NCAPD2: variants seen among roughly 807,000 people sequenced by gnomAD.
NCAPD2 encodes condensin complex subunit 1.
In NCAPD2, 100 loss-of-function variants were observed where a neutral mutation model predicts 164.5. The ratio of observed to expected loss-of-function variants is 0.61; its 90% confidence interval spans 0.52 to 0.72. NCAPD2 has a LOEUF of 0.72. Among genes scored for constraint, NCAPD2 ranks in the 30% least tolerant of loss-of-function variants. The probability of loss-of-function intolerance (pLI) is 0.00; values close to 1 mark genes in which losing one functional copy is unlikely to be tolerated. For missense variants in NCAPD2, 1,560 were observed against 1,749.2 expected (o/e 0.89, Z 1.93); for synonymous variants, 585 against 642.6 (o/e 0.91, Z 1.36).
chr12:6,517,718 A>G, intron 12 of NCAPD2, 35 bp downstream of exon 12: 1 of 1,614,152 alleles, frequency 6.2e-7, no homozygotes, highest in Non-Finnish European at 8.5e-7. Context: ...CTAATGCCAG[A>G]CAGGCTTCTC....
In NCAPD2 at chr12:6,521,056, CCA is replaced by C. The variant is rs1290203844; in HGVS notation, c.1661_1662del (p.Pro554ArgfsTer43). On this transcript the variant is annotated frameshift_variant, in exon 14 of 32. Transcript: ENST00000315579. LOFTEE classifies it high-confidence loss of function. The stretch of plus-strand genomic sequence containing the variant: ...GTCCGAACCCTTCAGTCATATAGAC[CCA>C]GAGGAGTCAGAGGAGACCAGGCTCT... ...QESEPFSHIDPEESEETRLLN... is the reference protein window; with the variant it reads ...QESEPFSHIDXEESEETRLLN... 1 of 1,614,136 alleles carries C rather than the reference CCA, an allele frequency of 6.2e-7. No homozygotes were observed. The highest frequency in any genetic ancestry group is 2.2e-5 in the East Asian group (1 of 44,890).
intron 17 of NCAPD2, among the ~76,000 whole-genome samples, chr12:6,525,181 G>A (rs1946304653): frequency 6.6e-6 from 1 of 152,158 alleles, no homozygotes; most frequent in Non-Finnish European, 1.5e-5. Context: ...TTAGATGACC[G>A]AAATTTTAAG....
Position 6,526,195 on chromosome 12 carries a change from A to G in NCAPD2, c.2476A>G (p.Arg826Gly), listed in dbSNP as rs774381395. The G allele has an allele frequency of 6.2e-7, 1 of 1,614,164 alleles. No homozygotes were observed. Among genetic ancestry groups the G allele is most frequent in the Non-Finnish European group, 8.5e-7 (1 of 1,180,032 alleles). ...CHAIANISDR[R>G]KPSLGKRHPP... ...TGCCATTGCCAACATCTCGGACAGG[A>G]GAAAGGTATGTGGGGGTGGTTCCAA... The change falls in exon 19 of 32, where the codon AGA becomes GGA. Residue 826 changes from arginine (R) to glycine (G), a missense_variant. Physicochemically the swap from Arg to Gly is moderately radical, Grantham distance 125 (BLOSUM62 -2). Coordinates refer to ENST00000315579, the MANE Select transcript of NCAPD2 (RefSeq NM_014865.4).
At position 6,529,519 on chromosome 12, in the gene NCAPD2, C is replaced by G; in HGVS notation, c.3579C>G (p.Leu1193=). Residue 1193 remains leucine (L), a synonymous_variant, in exon 28 of 32, where the codon CTC becomes CTG. Coordinates refer to ENST00000315579, the MANE Select transcript of NCAPD2 (RefSeq NM_014865.4). ...TCATCTCCCCTTCCTGCAGACAGCTCCTCTCCTACATCACCAAGGACAAGC... is the reference window on the plus strand; with the variant it reads ...TCATCTCCCCTTCCTGCAGACAGCTGCTCTCCTACATCACCAAGGACAAGC... ...EEPFHTIMKQ[L]LSYITKDKQT... is the part of the protein sequence containing the mutation. 1.2e-6 allele frequency: 2 copies of G among 1,614,030 alleles called. No homozygotes were observed. The highest frequency in any genetic ancestry group is 1.7e-6 in the Non-Finnish European group (2 of 1,179,936).
intron 17 of NCAPD2, among the ~76,000 whole-genome samples, chr12:6,523,881 C>T (rs1245939073): frequency 2.0e-5 from 3 of 152,148 alleles, no homozygotes; most frequent in Admixed American, 2.0e-4. Flanking sequence ...ATGAGTTGTA[C>T]GGGTAATGGT....
At chr12:6,530,878 G>A (rs560784891) in intron 30 of NCAPD2, 43 bp from the exon 31 acceptor site, 1 of 1,613,164 alleles carries the variant, frequency 6.2e-7, no homozygotes, top group East Asian at 2.2e-5. Flanking sequence ...GCAGTGATTT[G>A]TTTCTTCTTC....
intron 3 of NCAPD2, 86 bp downstream of exon 3, chr12:6,509,878 A>G: frequency 6.9e-7 from 1 of 1,448,426 alleles, no homozygotes; most frequent in Middle Eastern, 1.8e-4. Context: ...ATTCCAAGTT[A>G]TAGGTTCACT....
In NCAPD2 at chr12:6,522,840, T is replaced by C; in HGVS notation, c.1967T>C (p.Val656Ala). 12 of 1,613,642 alleles carry C rather than the reference T, an allele frequency of 7.4e-6. No homozygotes were observed. The highest frequency in any genetic ancestry group is 8.5e-6 in the Non-Finnish European group (10 of 1,179,882). Reference sequence around the variant, plus strand: ...CATGTTCTCTCAGTGGTGCAGGAGGTGATTGAATTCTTTGTGATGGTCTTC... The same window carrying C: ...CATGTTCTCTCAGTGGTGCAGGAGGCGATTGAATTCTTTGTGATGGTCTTC... ...YENTTTVVQE[V>A]IEFFVMVFQF... Residue 656 changes from valine to alanine, a missense_variant, in exon 16 of 32, where the codon GTG (valine) becomes GCG (alanine). By Grantham distance (64) the Val-to-Ala change is moderately conservative. Transcript: ENST00000315579.
rs1347764272 is a variant in NCAPD2, at chr12:6,516,830, T to G, written c.990T>G (p.Asn330Lys). Reference protein sequence around the residue: ...CILLDHLDGENYMMRNAVLAA... With the variant: ...CILLDHLDGEKYMMRNAVLAA... ...CCCTCTATGCTTCTCTCTCTTAGAA[T>G]TACATGATGCGTAATGCTGTGCTGG... Residue 330 changes from asparagine (N) to lysine (K), a missense_variant and splice_region_variant, in exon 10 of 32, where the codon AAT becomes AAG. Coordinates refer to ENST00000315579, the MANE Select transcript of NCAPD2 (RefSeq NM_014865.4). The G allele has an allele frequency of 1.9e-6, 3 of 1,613,974 alleles. No homozygotes were observed. The highest frequency in any genetic ancestry group is 2.5e-6 in the Non-Finnish European group (3 of 1,180,016).
At chr12:6,500,598 A>G (rs12319345) in intron 2 of NCAPD2, among the ~76,000 whole-genome samples, 2,366 of 152,286 alleles carry the variant, frequency 0.016, 62 homozygotes, top group African/African-American at 0.055. Flanking sequence ...CTGGGAGCTT[A>G]TTAGAAATGC....
chr12:6,502,581 G>GTGT (rs762633705), intron 2 of NCAPD2, among the ~76,000 whole-genome samples: 36 of 152,058 alleles, frequency 2.4e-4, no homozygotes, highest in Non-Finnish European at 4.7e-4. Flanking sequence ...AGGGGAGTAT[G>GTGT]TGTTGTTGTT....
intron 13 of NCAPD2, 105 bp from the exon 14 acceptor site, chr12:6,520,881 C>A: frequency 6.7e-7 from 1 of 1,491,918 alleles, no homozygotes; most frequent in Non-Finnish European, 9.1e-7. Context: ...TGCTCCTTTT[C>A]TCTGGGCAGT....
intron 2 of NCAPD2, among the ~76,000 whole-genome samples, chr12:6,504,198 T>TACATATATAC (rs1565539556): frequency 1.5e-4 from 4 of 27,242 alleles, no homozygotes; most frequent in African/African-American, 6.4e-4. Context: ...TATATATATA[T>TACATATATAC]ATATATATAT....
At position 6,528,771 on chromosome 12, in the gene NCAPD2, T is replaced by G. The variant is rs1592178427; in HGVS notation, c.3392T>G (p.Val1131Gly). The change falls in exon 26 of 32, where the codon GTC becomes GGC. Residue 1131 changes from valine to glycine, a missense_variant. Coordinates refer to ENST00000315579, the MANE Select transcript of NCAPD2 (RefSeq NM_014865.4). The surrounding 1 kb of genome is among the most constrained non-coding windows in gnomAD (Gnocchi z 5.1). Reference protein sequence around the residue: ...LKDMVKVKGQVSEMAVLLIDP... With the variant: ...LKDMVKVKGQGSEMAVLLIDP... ...GACATGGTGAAGGTGAAGGGGCAGG[T>G]CAGCGAGATGGCGGTGCTGCTCATC... 6.2e-7 allele frequency: 1 copy of G among 1,614,088 alleles called. No homozygotes were observed. Among genetic ancestry groups the G allele is most frequent in the Non-Finnish European group, 8.5e-7 (1 of 1,180,004 alleles).
At chr12:6,516,215 A>G (rs1216175977) in intron 9 of NCAPD2, among the ~76,000 whole-genome samples, 2 of 149,486 alleles carry the variant, frequency 1.3e-5, no homozygotes, top group African/African-American at 4.9e-5. Context: ...ACCAAAAAAA[A>G]CCACACAGAC....
Position 6,526,183 on chromosome 12 carries a change from A to G in NCAPD2, c.2464A>G (p.Ile822Val), listed in dbSNP as rs777426754. Residue 822 changes from isoleucine (I) to valine (V), a missense_variant, in exon 19 of 32, where the codon ATC becomes GTC. By Grantham distance (29) the Ile-to-Val change is conservative. Coordinates refer to ENST00000315579, the MANE Select transcript of NCAPD2 (RefSeq NM_014865.4). ...AQQVCHAIAN[I>V]SDRRKPSLGK... Reference sequence around the variant, plus strand: ...GCAGGTGTGCCATGCCATTGCCAACATCTCGGACAGGAGAAAGGTATGTGG... The same window carrying G: ...GCAGGTGTGCCATGCCATTGCCAACGTCTCGGACAGGAGAAAGGTATGTGG... 6 of 1,614,198 alleles carry G rather than the reference A, an allele frequency of 3.7e-6. No individual in the cohort carries two copies. In the South Asian group the frequency reaches 6.6e-5, roughly 18 times the overall value.
In NCAPD2 at chr12:6,523,007, A is replaced by T; in HGVS notation, c.2129+5A>T. The T allele has an allele frequency of 1.2e-6, 2 of 1,613,752 alleles. No individual in the cohort carries two copies. Among genetic ancestry groups the T allele is most frequent in the African/African-American group, 1.3e-5 (1 of 75,006 alleles). On this transcript the variant is annotated splice_donor_5th_base_variant and intron_variant, in intron 16 of 31. Transcript: ENST00000315579. ...CCCCAAAGGGGACTCTGCCAGGTAT[A>T]TGGGGTGCTTTTGCCTTTGCTGACT...
At position 6,531,499 on chromosome 12, in the gene NCAPD2, G is replaced by A; in HGVS notation, c.*87G>A. On this transcript the variant is annotated 3_prime_UTR_variant, in exon 32 of 32. Coordinates refer to ENST00000315579, the MANE Select transcript of NCAPD2 (RefSeq NM_014865.4). The surrounding 1 kb of genome is among the most constrained non-coding windows in gnomAD (Gnocchi z 4.1). ...TGTTTCCCTTGTAAAATATTTGTCT[G>A]TCTCTTTTTTTTAAAAAAAAAAAAG... The A allele has an allele frequency of 6.5e-7, 1 of 1,533,294 alleles. No individual in the cohort carries two copies. 95.0% of individuals were successfully genotyped at this position (1,533,294 alleles called of 1,614,324 possible).
Position 6,531,330 on chromosome 12 carries a change from T to C in NCAPD2, c.4124T>C (p.Leu1375Pro), listed in dbSNP as rs548656569. 10 of 1,613,022 alleles carry C rather than the reference T, an allele frequency of 6.2e-6. No individual in the cohort carries two copies. The highest frequency in any genetic ancestry group is 7.6e-6 in the Non-Finnish European group (9 of 1,179,694). Reference sequence around the variant, plus strand: ...ATTCCTTTAATTCTTTGCATAGATCTTTCAGCAGAGATGACAGAAGACGAG... The same window carrying C: ...ATTCCTTTAATTCTTTGCATAGATCCTTCAGCAGAGATGACAGAAGACGAG... ...FSSDESSEED[L>P]SAEMTEDETP... The change falls in exon 32 of 32, where the codon CTT becomes CCT. Residue 1375 changes from leucine to proline, a missense_variant. Coordinates refer to ENST00000315579, the MANE Select transcript of NCAPD2 (RefSeq NM_014865.4). This position sits in a 1 kb window ranked among gnomAD's most constrained non-coding sequence, Gnocchi z 4.1.
Sources: gnomAD v4.1 joint callset for allele counts (sites outside exome capture counted in the v4.1 genomes callset) on GRCh38, gnomAD v4.1.1 for gene constraint, Gnocchi (gnomAD v3.1) non-coding constraint, MANE v1.5 for transcripts, NCBI Gene and HGNC (gene_info 2026-07-23, HGNC 2026-07-21) for gene names.